RUNDC3B: variants seen among roughly 807,000 people sequenced by gnomAD.
RUNDC3B encodes the protein RUN domain-containing protein 3B.
RUNDC3B carries 33 observed loss-of-function variants against 58.4 expected under a neutral mutation model. The ratio of observed to expected loss-of-function variants is 0.56; its 90% CI spans 0.43 to 0.75. RUNDC3B has a LOEUF of 0.75. RUNDC3B is among the 30% of genes least tolerant of loss of function. RUNDC3B has a pLI of 0.00. For missense variants in RUNDC3B, 501 were observed against 535.7 expected (o/e 0.94, Z 0.64); for synonymous variants, 193 against 195.2 (o/e 0.99, Z 0.10).
At chr7:87,722,633 C>G (rs1830971064) in intron 4 of RUNDC3B, among the ~76,000 whole-genome samples, 1 of 152,130 alleles carries the variant, frequency 6.6e-6, no homozygotes, top group African/African-American at 2.4e-5. Flanking sequence ...CGAGTTGGGG[C>G]ATCTCTTATG....
chr7:87,724,577 T>A (rs1831100626), intron 4 of RUNDC3B, among the ~76,000 whole-genome samples: 1 of 152,054 alleles, frequency 6.6e-6, no homozygotes, highest in Non-Finnish European at 1.5e-5. Context: ...TTAAAAAATT[T>A]TCTTCCTGAA....
chr7:87,660,679 G>A (rs1434462076), intron 2 of RUNDC3B, among the ~76,000 whole-genome samples: 1 of 151,708 alleles, frequency 6.6e-6, no homozygotes, highest in East Asian at 1.9e-4. Context: ...GCTCTATTAT[G>A]TTTATGTTGG....
chr7:87,814,445 A>G (rs762021157), intron 9 of RUNDC3B, among the ~76,000 whole-genome samples: 1 of 152,204 alleles, frequency 6.6e-6, no homozygotes, highest in Non-Finnish European at 1.5e-5. Flanking sequence ...TTTTCTTCCT[A>G]TACTAGGGAG....
Position 87,729,770 on chromosome 7 carries a change from C to T in RUNDC3B, c.459-10021C>T, listed in dbSNP as rs148023303. 4.8e-3 allele frequency among the ~76,000 whole-genome samples: 729 copies of T among 152,292 alleles called. 4 individuals carry two copies. Among genetic ancestry groups the T allele is most frequent in the Non-Finnish European group, 7.8e-3 (531 of 68,022 alleles). ...GCAGCCAAGAGAGTGCTTGCATCAT[C>T]GCTGCCCCAAACACAGGCAGCACAG... On this transcript the variant is annotated intron_variant, in intron 4 of 10. Transcript: ENST00000394654.
intron 8 of RUNDC3B, among the ~76,000 whole-genome samples, chr7:87,780,830 C>T (rs189449352): frequency 1.1e-3 from 170 of 152,220 alleles, no homozygotes; most frequent in African/African-American, 4.0e-3. Flanking sequence ...TGTTCTGTTC[C>T]ATTGGACTTT....
chr7:87,693,898 T>G, intron 2 of RUNDC3B: 1 of 1,607,370 alleles, frequency 6.2e-7, no homozygotes, highest in South Asian at 1.1e-5. Flanking sequence ...TTGTTATTTT[T>G]TTTTTAAAGA....
chr7:87,747,834 C>A (rs1832735488), intron 6 of RUNDC3B, among the ~76,000 whole-genome samples: 1 of 152,120 alleles, frequency 6.6e-6, no homozygotes, highest in South Asian at 2.1e-4. Context: ...TCCCACCATG[C>A]CCCTGCCAAC....
intron 4 of RUNDC3B, among the ~76,000 whole-genome samples, chr7:87,713,513 T>C (rs1016132657): frequency 6.6e-6 from 1 of 152,054 alleles, no homozygotes; most frequent in Admixed American, 6.6e-5. Flanking sequence ...GTGTAGGACG[T>C]CTTAATGAGC....
In RUNDC3B at chr7:87,679,293, C is replaced by A. The variant is rs147168495; in HGVS notation, c.239-21128C>A. 3.7e-3 allele frequency among the ~76,000 whole-genome samples: 556 copies of A among 149,536 alleles called. 38 individuals carry two copies. Among genetic ancestry groups the A allele is most frequent in the African/African-American group, 0.013 (533 of 40,130 alleles). On this transcript the variant is annotated intron_variant, in intron 2 of 10. Transcript: ENST00000394654. ...TATTTTTAGTAGAGACGGAGTTTCA[C>A]AGTGTTAGCCAGGATGGTCTCCATC... is the stretch of plus-strand genomic sequence containing the variant.
chr7:87,670,833 C>T (rs1825752723), intron 2 of RUNDC3B, among the ~76,000 whole-genome samples: 1 of 152,184 alleles, frequency 6.6e-6, no homozygotes, highest in Non-Finnish European at 1.5e-5. Context: ...GGTTGTGTGG[C>T]TCCCCTATGT....
chr7:87,652,621 GATATATAT>G (rs373344881), intron 2 of RUNDC3B, among the ~76,000 whole-genome samples: 6 of 125,412 alleles, frequency 4.8e-5, no homozygotes, highest in Non-Finnish European at 1.6e-5. Flanking sequence ...TGTGGTCACT[GATATATAT>G]ATATATATAT....
At chr7:87,700,143 TA>T (rs1431182293) in intron 2 of RUNDC3B, among the ~76,000 whole-genome samples, 3 of 152,164 alleles carry the variant, frequency 2.0e-5, no homozygotes, top group Non-Finnish European at 4.4e-5. Flanking sequence ...AATGGCAAGA[TA>T]TTTCTAGTGT....
intron 10 of RUNDC3B, among the ~76,000 whole-genome samples, chr7:87,827,377 C>T (rs144917502): frequency 0.027 from 4,144 of 152,048 alleles, 56 homozygotes; most frequent in Middle Eastern, 0.048. Context: ...ATCCCAACTA[C>T]TGGGGAGGCT....
chr7:87,802,447 A>G (rs944557212), intron 8 of RUNDC3B, among the ~76,000 whole-genome samples: 1 of 152,158 alleles, frequency 6.6e-6, no homozygotes, highest in African/African-American at 2.4e-5. Flanking sequence ...GAGGGAGGGA[A>G]AGTGGGTAAA....
rs1584162835 is a variant in RUNDC3B at position 87,771,399 on chromosome 7, A to T, written c.798+650A>T. Among the ~76,000 whole-genome samples, 3 of 152,270 alleles carry T rather than the reference A, an allele frequency of 2.0e-5. No homozygotes were observed. The South Asian group carries it at 6.2e-4, about 32-fold the overall frequency. ...TACAGATAGCTATTGCTTAGAAAAT[A>T]TTTTTAAATCCAAATTACATAGCTA... is the stretch of plus-strand genomic sequence containing the variant. On this transcript the variant is annotated intron_variant, in intron 7 of 10. Transcript: ENST00000394654.
intron 2 of RUNDC3B, among the ~76,000 whole-genome samples, chr7:87,663,738 G>C (rs1012042762): frequency 6.6e-6 from 1 of 152,060 alleles, no homozygotes; most frequent in African/African-American, 2.4e-5. Context: ...ATACTGAGAG[G>C]CTTAAGTAAC....
intron 1 of RUNDC3B, among the ~76,000 whole-genome samples, chr7:87,631,931 T>G (rs1821264941): frequency 6.6e-6 from 1 of 152,190 alleles, no homozygotes. Context: ...AAGCAAAAAA[T>G]GTTTATATTT....
chr7:87,715,581 T>C (rs1784338276), intron 4 of RUNDC3B, among the ~76,000 whole-genome samples: 1 of 145,494 alleles, frequency 6.9e-6, no homozygotes, highest in South Asian at 2.1e-4. Context: ...AATGTGGGCA[T>C]TAATAGCTAT....
At chr7:87,632,112 CAA>C (rs201197232) in intron 1 of RUNDC3B, among the ~76,000 whole-genome samples, 10 of 134,948 alleles carry the variant, frequency 7.4e-5, no homozygotes, top group African/African-American at 8.1e-5. Flanking sequence ...TTTACAAAAC[CAA>C]AAAAAAAAAA....
Sources: allele counts gnomAD v4.1 joint callset (sites outside exome capture counted in the v4.1 genomes callset), GRCh38; gene constraint gnomAD v4.1.1; transcripts MANE v1.5; gene names NCBI Gene and HGNC (gene_info 2026-07-23, HGNC 2026-07-21).